The following PPP2R2C variants were observed in gnomAD, a reference collection of about 807,000 sequenced individuals.
PPP2R2C encodes the protein protein phosphatase 2, regulatory subunit B, gamma.
A neutral mutation model predicts 45.3 loss-of-function variants in PPP2R2C; 10 were observed. The ratio of observed to expected loss-of-function variants is 0.22; its 90% CI spans 0.14 to 0.37. The LOEUF (loss-of-function observed/expected upper bound fraction) is 0.37, where lower values mean the gene tolerates loss of function less well. Ranked by LOEUF, PPP2R2C falls within the 10% of genes least tolerant of loss-of-function variation. The pLI is 1.00. For missense variants in PPP2R2C, 308 were observed against 619.7 expected, an observed-to-expected ratio of 0.50 and a Z score of 5.34; for synonymous variants, 257 against 245.4, an observed-to-expected ratio of 1.05 and a Z score of -0.44.
intron 8 of PPP2R2C, among the ~76,000 whole-genome samples, chr4:6,327,436 A>G (rs574414667): frequency 1.3e-5 from 2 of 152,328 alleles, no homozygotes; most frequent in African/African-American, 4.8e-5. Flanking sequence ...GGGAGCAGGC[A>G]TCACCTGGCC....
intron 1 of PPP2R2C, among the ~76,000 whole-genome samples, chr4:6,440,002 C>T (rs1720074218): frequency 2.0e-5 from 3 of 152,196 alleles, no homozygotes; most frequent in African/African-American, 4.8e-5. Context: ...AGGAACAGCT[C>T]CCCTGGGGAG....
intron 1 of PPP2R2C, among the ~76,000 whole-genome samples, chr4:6,556,103 G>T (rs1053068380): frequency 6.6e-6 from 1 of 152,176 alleles, no homozygotes; most frequent in Admixed American, 6.5e-5. Context: ...GGGAGCATCC[G>T]CATGGGGCAC....
rs1715271588 is a variant in PPP2R2C, at chr4:6,376,004, A to C, written c.335-73T>G. 3.8e-6 allele frequency: 5 copies of C among 1,312,980 alleles called. No individual in the cohort carries two copies. In the African/African-American group the frequency reaches 7.4e-5, roughly 19 times the overall value. The allele number at this position is 1,312,980 out of a possible 1,614,324, so 81.3% of individuals were successfully genotyped here. On this transcript the variant is annotated intron_variant, in intron 3 of 8. Coordinates refer to ENST00000382599, the MANE Select transcript of PPP2R2C (RefSeq NM_020416.4). ...GATGGAAGAGAAGATCCACTTTAGA[A>C]GGTGAAATCATGAGGCACCTCCTGG...
At chr4:6,425,753 G>A (rs1273861355) in intron 1 of PPP2R2C, among the ~76,000 whole-genome samples, 4 of 152,136 alleles carry the variant, frequency 2.6e-5, no homozygotes, top group Admixed American at 6.5e-5. Flanking sequence ...TAGAAGACAA[G>A]GAGAGTCTGT....
At chr4:6,406,989 G>A (rs1377252684) in intron 1 of PPP2R2C, among the ~76,000 whole-genome samples, 1 of 152,116 alleles carries the variant, frequency 6.6e-6, no homozygotes, top group Admixed American at 6.5e-5. Flanking sequence ...AAGAGGAGGA[G>A]GTGATGTAAA....
chr4:6,530,771 G>A (rs1056720868), intron 2 of PPP2R2C, among the ~76,000 whole-genome samples: 12 of 152,222 alleles, frequency 7.9e-5, no homozygotes, highest in African/African-American at 2.7e-4. Context: ...AAAGCTCTCA[G>A]AACAGTGGCT....
chr4:6,377,950 G>A (rs1345301044), intron 3 of PPP2R2C, among the ~76,000 whole-genome samples: 1 of 152,204 alleles, frequency 6.6e-6, no homozygotes, highest in Non-Finnish European at 1.5e-5. Context: ...CCGCAAGGCC[G>A]CGGTGACAGC....
chr4:6,348,097 C>G (rs1267117070), intron 5 of PPP2R2C, 87 bp from the exon 6 acceptor site: 3 of 1,475,036 alleles, frequency 2.0e-6, no homozygotes, highest in Non-Finnish European at 1.9e-6. Flanking sequence ...TCTCCCGAGG[C>G]AAAACCGTCC....
chr4:6,351,651 T>C (rs1293129554), intron 5 of PPP2R2C, among the ~76,000 whole-genome samples: 1 of 152,100 alleles, frequency 6.6e-6, no homozygotes, highest in South Asian at 2.1e-4. Context: ...TGCATCCACA[T>C]CACCCTGCAG....
intron 1 of PPP2R2C, among the ~76,000 whole-genome samples, chr4:6,463,708 T>A (rs112978070): frequency 6.6e-6 from 1 of 152,232 alleles, no homozygotes; most frequent in Non-Finnish European, 1.5e-5. Context: ...CTGCCCAGAA[T>A]GCGCTAGAAT....
chr4:6,340,061 G>A (rs945710965), intron 6 of PPP2R2C, among the ~76,000 whole-genome samples: 1 of 152,190 alleles, frequency 6.6e-6, no homozygotes, highest in Non-Finnish European at 1.5e-5. Context: ...GGAGGGAGCA[G>A]GGAGTTCCTA....
chr4:6,356,695 G>A lies in PPP2R2C; in HGVS notation c.626-8685C>T, dbSNP rs577236762. Among the ~76,000 whole-genome samples, 6 of 152,394 alleles carry A rather than the reference G, an allele frequency of 3.9e-5. No individual in the cohort carries two copies. In the South Asian group the frequency reaches 1.2e-3, roughly 32 times the overall value. ...AGAGTGGGCGCTCTGTAGGTGAGCT[G>A]CTGAGAAGGTCTGCGGCCTGTTCTG... On this transcript the variant is annotated intron_variant, in intron 5 of 8. Transcript: ENST00000382599.
chr4:6,333,835 C>A (rs917747468), intron 6 of PPP2R2C, 104 bp from the exon 7 acceptor site: 1 of 1,236,440 alleles, frequency 8.1e-7, no homozygotes, highest in African/African-American at 1.5e-5. Context: ...TCTGTTTATT[C>A]AGTCATTCAT....
At chr4:6,491,092 A>G (rs1722687303) in intron 2 of PPP2R2C, among the ~76,000 whole-genome samples, 2 of 152,068 alleles carry the variant, frequency 1.3e-5, no homozygotes, top group Admixed American at 6.5e-5. Context: ...GATCTGTTTT[A>G]TCCCATTTCC....
rs760849032 is a variant in PPP2R2C at position 6,472,259 on chromosome 4, C to A, written c.-30G>T. ...GGCCGTGCCCGGTGCTCTGGGCATGCCCCGCCGCCACACACCGATGCAATC... is the reference window on the plus strand; with the variant it reads ...GGCCGTGCCCGGTGCTCTGGGCATGACCCGCCGCCACACACCGATGCAATC... On this transcript the variant is annotated 5_prime_UTR_variant, in exon 1 of 9. Coordinates refer to ENST00000382599, the MANE Select transcript of PPP2R2C (RefSeq NM_020416.4). 94 of 1,611,466 alleles carry A rather than the reference C, an allele frequency of 5.8e-5. 1 individual carries two copies. In the Middle Eastern group the frequency reaches 1.8e-3, roughly 31 times the overall value.
chr4:6,461,809 C>G (rs949098707), intron 1 of PPP2R2C, among the ~76,000 whole-genome samples: 27 of 152,354 alleles, frequency 1.8e-4, no homozygotes, highest in African/African-American at 5.8e-4. Context: ...TATGTAGTGA[C>G]CAGCTGAGGG....
chr4:6,459,258 C>A (rs1721198252), intron 1 of PPP2R2C, among the ~76,000 whole-genome samples: 1 of 152,138 alleles, frequency 6.6e-6, no homozygotes, highest in Admixed American at 6.5e-5. Flanking sequence ...AGGCAGGCAG[C>A]TCAACCAGGA....
chr4:6,542,967 G>GA (rs1488378421), intron 1 of PPP2R2C, among the ~76,000 whole-genome samples: 2 of 152,126 alleles, frequency 1.3e-5, no homozygotes, highest in Non-Finnish European at 2.9e-5. Context: ...AACCCAACAG[G>GA]AAAAAAAGCA....
At chr4:6,366,181 GA>G (rs1367277989) in intron 5 of PPP2R2C, among the ~76,000 whole-genome samples, 3 of 152,194 alleles carry the variant, frequency 2.0e-5, no homozygotes, top group Non-Finnish European at 4.4e-5. Context: ...TTATGTGAAA[GA>G]TTTCTTTATT....
Sources: gnomAD v4.1 joint callset for allele counts (sites outside exome capture counted in the v4.1 genomes callset) on GRCh38, gnomAD v4.1.1 for gene constraint, MANE v1.5 for transcripts, NCBI Gene and HGNC (gene_info 2026-07-23, HGNC 2026-07-21) for gene names.